Variants in TENM3 observed in about 807,000 individuals in gnomAD.
TENM3 encodes the protein teneurin-3.
TENM3 carries 63 observed loss-of-function variants against 255.1 expected under a neutral mutation model. The ratio of observed to expected loss-of-function variants is 0.25; its 90% CI spans 0.20 to 0.30. The LOEUF (loss-of-function observed/expected upper bound fraction) is 0.30, where lower values mean the gene tolerates loss of function less well. Ranked by LOEUF, TENM3 falls within the 10% of genes least tolerant of loss-of-function variation. The pLI is 1.00. For missense variants in TENM3, 2,929 were observed against 3,461.1 expected, an observed-to-expected ratio of 0.85 and a Z score of 3.86; for synonymous variants, 1,306 against 1,322.3, an observed-to-expected ratio of 0.99 and a Z score of 0.27.
chr4:181,957,464 A>G, the TENM3 span, among the ~76,000 whole-genome samples: 9 of 152,356 alleles, frequency 5.9e-5, no homozygotes, highest in East Asian at 1.9e-4. Context: ...GAAGAATCAC[A>G]GGGTGAATTT....
chr4:182,538,717 T>A (rs1357741487), intron 3 of TENM3, among the ~76,000 whole-genome samples: 1 of 151,822 alleles, frequency 6.6e-6, no homozygotes, highest in African/African-American at 2.4e-5. Context: ...TGAAGAGAAG[T>A]GGGTGGGTGT....
chr4:182,316,809 C>T (rs1461656714), intron 1 of TENM3, among the ~76,000 whole-genome samples: 1 of 152,160 alleles, frequency 6.6e-6, no homozygotes, highest in African/African-American at 2.4e-5. Context: ...ACTTGTCCTG[C>T]AAATTCTTAC....
Position 182,800,336 on chromosome 4 carries a change from G to T in TENM3, c.8085G>T (p.Glu2695Asp). 1 of 1,583,270 alleles carries T rather than the reference G, an allele frequency of 6.3e-7. No homozygotes were observed. Among genetic ancestry groups the T allele is most frequent in the Non-Finnish European group, 8.5e-7 (1 of 1,173,280 alleles). Reference protein sequence around the residue: ...ANNIQFLRQSEIGRR With the variant: ...ANNIQFLRQSDIGRR ...ACATCCAGTTCCTGCGGCAGAGCGA[G>T]ATCGGCAGGAGGTAACGCCCGGGCC... Residue 2695 changes from glutamate to aspartate, a missense_variant, in exon 28 of 28, where the codon GAG becomes GAT. Physicochemically the swap from Glu to Asp is conservative, Grantham distance 45. Around this residue, in one of 6 missense-constraint regions of TENM3, gnomAD observed 476 missense variants for 480.1 expected, o/e 0.99. Coordinates refer to ENST00000511685, the MANE Select transcript of TENM3 (RefSeq NM_001080477.4).
chr4:181,600,830 T>C, the TENM3 span, among the ~76,000 whole-genome samples: 553 of 151,274 alleles, frequency 3.7e-3, 2 homozygotes, highest in Non-Finnish European at 6.5e-3. Context: ...AAATGTCTTA[T>C]AGTACCAAAA....
chr4:181,961,152 G>A, the TENM3 span, among the ~76,000 whole-genome samples: 2 of 151,958 alleles, frequency 1.3e-5, no homozygotes, highest in African/African-American at 4.9e-5. Flanking sequence ...TGTGCACATT[G>A]CTTAAAGCTA....
intron 3 of TENM3, among the ~76,000 whole-genome samples, chr4:182,484,012 A>AC (rs143342165): frequency 0.022 from 3,368 of 152,200 alleles, 70 homozygotes; most frequent in East Asian, 0.068. Flanking sequence ...GGGGACACAA[A>AC]CCCGAACCAC....
intron 3 of TENM3, among the ~76,000 whole-genome samples, chr4:182,397,084 C>T (rs903134765): frequency 6.6e-6 from 1 of 151,934 alleles, no homozygotes; most frequent in Non-Finnish European, 1.5e-5. Flanking sequence ...AATACAATTG[C>T]TTCCATCATC....
Position 182,679,833 on chromosome 4 carries a change from T to C in TENM3, c.1494T>C (p.Asp498=), listed in dbSNP as rs1266192401. The C allele has an allele frequency of 3.7e-6, 6 of 1,613,550 alleles. No individual in the cohort carries two copies. The highest frequency in any genetic ancestry group is 5.1e-6 in the Non-Finnish European group (6 of 1,179,706). The part of the protein sequence containing the change: ...SGIWHLAFYN[D]GKNAEQVSFN... ...TCTGGCATCTGGCTTTTTATAATGA[T>C]GGGAAAAATGCAGAGCAGGTGTCTT... is the stretch of plus-strand genomic sequence containing the variant. The change falls in exon 8 of 28, where the codon GAT becomes GAC. Residue 498 remains aspartate (D), a synonymous_variant. Transcript: ENST00000511685.
At chr4:181,593,520 T>G in the TENM3 span, among the ~76,000 whole-genome samples, 1 of 152,220 alleles carries the variant, frequency 6.6e-6, no homozygotes, top group Non-Finnish European at 1.5e-5. Context: ...CATATGGTAC[T>G]CCTGAAATGA....
chr4:182,679,959 T>C, intron 8 of TENM3, 83 bp downstream of exon 8: 1 of 1,239,860 alleles, frequency 8.1e-7, no homozygotes, highest in Non-Finnish European at 1.1e-6. Context: ...CTGTACCAAT[T>C]TGGGGTAATT....
At chr4:181,588,905 T>C in the TENM3 span, among the ~76,000 whole-genome samples, 2 of 152,160 alleles carry the variant, frequency 1.3e-5, no homozygotes, top group African/African-American at 4.8e-5. Context: ...GAGAGGATAA[T>C]TGAATCATGT....
Position 182,680,326 on chromosome 4 carries a change from T to C in TENM3, c.1616T>C (p.Phe539Ser), listed in dbSNP as rs923483021. 1 of 1,613,698 alleles carries C rather than the reference T, an allele frequency of 6.2e-7. No individual in the cohort carries two copies. The highest frequency in any genetic ancestry group is 1.3e-5 in the African/African-American group (1 of 75,020). Reference protein sequence around the residue: ...VSGTCHCFPGFLGPDCSRAAC... With the variant: ...VSGTCHCFPGSLGPDCSRAAC... ...GGAACTTGCCATTGTTTTCCAGGAT[T>C]TCTGGGTCCGGATTGTTCAAGAGGT... The change falls in exon 9 of 28, where the codon TTT (phenylalanine) becomes TCT (serine). Residue 539 changes from phenylalanine (F) to serine (S), a missense_variant. By Grantham distance (155) the Phe-to-Ser change is radical (BLOSUM62 -2). Coordinates refer to ENST00000511685, the MANE Select transcript of TENM3 (RefSeq NM_001080477.4).
rs767303881 is a variant in TENM3, at chr4:182,321,940, G to A, written c.-75-2006G>A. Reference sequence around the variant, plus strand: ...AGCCTGGGCAACAGAGCGAGATTCCGTCTAAAAAATAATAATAATAAATAA... The same window carrying A: ...AGCCTGGGCAACAGAGCGAGATTCCATCTAAAAAATAATAATAATAAATAA... On this transcript the variant is annotated intron_variant, in intron 1 of 27. Transcript: ENST00000511685. Among the ~76,000 whole-genome samples, 407 of 151,990 alleles carry A rather than the reference G, an allele frequency of 2.7e-3. 3 individuals carry two copies. The highest frequency in any genetic ancestry group is 3.7e-3 in the Non-Finnish European group (251 of 67,996).
the TENM3 span, among the ~76,000 whole-genome samples, chr4:181,641,071 T>C: frequency 6.6e-6 from 1 of 152,212 alleles, no homozygotes. Context: ...ATCAAAATAT[T>C]GAAGCGGGGC....
At chr4:181,918,144 T>G in the TENM3 span, among the ~76,000 whole-genome samples, 1 of 152,230 alleles carries the variant, frequency 6.6e-6, no homozygotes, top group African/African-American at 2.4e-5. Flanking sequence ...TGGGTGAAAG[T>G]TATTTTAAAT....
At chr4:182,161,824 T>TGTGTATATAG (rs1751307742) in intron 1 of TENM3, among the ~76,000 whole-genome samples, 1 of 34,120 alleles carries the variant, frequency 2.9e-5, no homozygotes, top group African/African-American at 8.8e-5. Flanking sequence ...TGTATATATA[T>TGTGTATATAG]ACACATATAT....
At chr4:181,631,925 G>C in the TENM3 span, among the ~76,000 whole-genome samples, 2 of 152,100 alleles carry the variant, frequency 1.3e-5, no homozygotes, top group Non-Finnish European at 2.9e-5. Flanking sequence ...TGGTCATGCA[G>C]GAGCTGAGGA....
At chr4:182,436,862 A>G (rs1220164188) in intron 3 of TENM3, among the ~76,000 whole-genome samples, 1 of 152,084 alleles carries the variant, frequency 6.6e-6, no homozygotes, top group African/African-American at 2.4e-5. Flanking sequence ...TACTAAAAAT[A>G]CAAAAATTAG....
At chr4:182,650,067 A>C (rs2152508375) in intron 5 of TENM3, among the ~76,000 whole-genome samples, 1 of 150,812 alleles carries the variant, frequency 6.6e-6, no homozygotes, top group East Asian at 2.0e-4. Context: ...AATAAGTCAT[A>C]ATAACCATTC....
Sources: gnomAD v4.1 joint callset for allele counts (sites outside exome capture counted in the v4.1 genomes callset) on GRCh38, gnomAD v4.1.1 for gene constraint, gnomAD v4.1.1 regional missense constraint, MANE v1.5 for transcripts, NCBI Gene and HGNC (gene_info 2026-07-23, HGNC 2026-07-21) for gene names.